Variants in PFKFB3 observed in about 807,000 individuals in gnomAD.
PFKFB3 encodes the protein 6-phosphofructo-2-kinase/fructose-2,6-biphosphatase 3, also known as 6-phosphofructo-2-kinase/fructose-2,6-bisphosphatase 3.
PFKFB3 carries 33 observed loss-of-function variants against 68.0 expected under a neutral mutation model. The observed-to-expected ratio is 0.49, with a 90% CI of 0.37 to 0.65. PFKFB3 has a LOEUF of 0.65. Ranked by LOEUF, PFKFB3 falls within the 30% of genes least tolerant of loss-of-function variation. The probability of loss-of-function intolerance (pLI) is 0.00; values close to 1 mark genes in which losing one functional copy is unlikely to be tolerated. For missense variants in PFKFB3, 586 were observed against 712.2 expected, an observed-to-expected ratio of 0.82 and a Z score of 2.02; for synonymous variants, 315 against 288.2, an observed-to-expected ratio of 1.09 and a Z score of -0.94.
Position 6,220,823 on chromosome 10 carries a change from C to T in PFKFB3, c.789C>T (p.Gly263=), listed in dbSNP as rs2131980291. 1 of 1,613,482 alleles carries T rather than the reference C, an allele frequency of 6.2e-7. No individual in the cohort carries two copies. The highest frequency in any genetic ancestry group is 2.2e-5 in the East Asian group (1 of 44,872). ...GCGAGAACGAGCACAACCTCCAGGG[C>T]CGCATCGGGGGCGACTCAGGCCTGT... ...RHGENEHNLQ[G]RIGGDSGLSS... The change falls in exon 8 of 15, where the codon GGC becomes GGT. Residue 263 remains glycine (G), a synonymous_variant. Transcript: ENST00000379775. The surrounding 1 kb of genome is among the most constrained non-coding windows in gnomAD (Gnocchi z 4.1).
chr10:6,186,169 A>C (rs898523025), intron 1 of PFKFB3, among the ~76,000 whole-genome samples: 1 of 152,198 alleles, frequency 6.6e-6, no homozygotes, highest in Non-Finnish European at 1.5e-5. Context: ...TAATATTCTA[A>C]TTAGAAAGTT....
intron 1 of PFKFB3, among the ~76,000 whole-genome samples, chr10:6,171,569 T>C (rs1842313629): frequency 6.6e-6 from 1 of 152,090 alleles, no homozygotes. Flanking sequence ...CTAATTTTAT[T>C]TTTTGTAGAG....
At chr10:6,311,229 C>A in the PFKFB3 span, among the ~76,000 whole-genome samples, 1 of 152,142 alleles carries the variant, frequency 6.6e-6, no homozygotes, top group South Asian at 2.1e-4. Context: ...AGGAAAATGA[C>A]ATTATCAATA....
rs1845560774 is a variant in PFKFB3 at position 6,229,110 on chromosome 10, A to C, written c.1515+2745A>C. 1.9e-6 allele frequency: 1 copy of C among 528,432 alleles called. No individual in the cohort carries two copies. Among genetic ancestry groups the C allele is most frequent in the South Asian group, 1.4e-5 (1 of 71,230 alleles). The allele number at this position is 528,432 out of a possible 1,614,324, so 32.7% of individuals were successfully genotyped here. The stretch of plus-strand genomic sequence containing the variant: ...AGTTACCTTAACTACTTTATGCAGA[A>C]ACTGGAAAGGTGTGATGAGGAATGC... On this transcript the variant is annotated intron_variant, in intron 14 of 14. Coordinates refer to ENST00000379775, the MANE Select transcript of PFKFB3 (RefSeq NM_004566.4). The surrounding 1 kb of genome is among the most constrained non-coding windows in gnomAD (Gnocchi z 4.3).
the PFKFB3 span, among the ~76,000 whole-genome samples, chr10:6,292,278 CTTTTTTTTTTTTTTTTTTTT>C: frequency 1.8e-5 from 1 of 54,280 alleles, no homozygotes; most frequent in Non-Finnish European, 3.1e-5. Flanking sequence ...TTTTTTTTTT[CTTTTTTTTTTTTTTTTTTTT>C]TTTTGAGACA....
intron 1 of PFKFB3, among the ~76,000 whole-genome samples, chr10:6,190,778 C>T (rs1843001678): frequency 6.6e-6 from 1 of 152,144 alleles, no homozygotes; most frequent in Non-Finnish European, 1.5e-5. Flanking sequence ...TTCTGTGCCT[C>T]ATGTCTCTAT....
intron 1 of PFKFB3, among the ~76,000 whole-genome samples, chr10:6,212,477 G>T (rs1203039156): frequency 1.3e-5 from 2 of 152,132 alleles, no homozygotes; most frequent in Non-Finnish European, 2.9e-5. Context: ...CCGGCCCCTG[G>T]CTGAGGCTTC....
chr10:6,215,082 G>A lies in PFKFB3; in HGVS notation c.203-139G>A, dbSNP rs931951274. ...TGAGGGTAGCGTAGGACTGGGCGCC[G>A]GCATTGCTTCCACACCATCTCATTC... On this transcript the variant is annotated intron_variant, in intron 2 of 14. Coordinates refer to ENST00000379775, the MANE Select transcript of PFKFB3 (RefSeq NM_004566.4). The surrounding 1 kb of genome is among the most constrained non-coding windows in gnomAD (Gnocchi z 4.3). 54 of 680,816 alleles carry A rather than the reference G, an allele frequency of 7.9e-5. No individual in the cohort carries two copies. The highest frequency in any genetic ancestry group is 7.5e-4 in the African/African-American group (42 of 56,102). The allele number at this position is 680,816 out of a possible 1,614,324, so 42.2% of individuals were successfully genotyped here.
the PFKFB3 span, among the ~76,000 whole-genome samples, chr10:6,264,711 T>G: frequency 6.6e-6 from 1 of 152,226 alleles, no homozygotes; most frequent in Non-Finnish European, 1.5e-5. Context: ...ACTTGTTTAT[T>G]CTGTTTCCCT....
chr10:6,281,283 A>G, the PFKFB3 span, among the ~76,000 whole-genome samples: 2 of 150,966 alleles, frequency 1.3e-5, no homozygotes, highest in Non-Finnish European at 3.0e-5. Flanking sequence ...TAATTGGGAA[A>G]GTTCCTGAAA....
At chr10:6,296,829 T>G in the PFKFB3 span, among the ~76,000 whole-genome samples, 2,053 of 152,308 alleles carry the variant, frequency 0.013, 23 homozygotes, top group Middle Eastern at 0.044. Context: ...GCATCCTGTT[T>G]TATCAGCAAG....
At chr10:6,326,622 G>A in the PFKFB3 span, 6 of 447,074 alleles carry the variant, frequency 1.3e-5, no homozygotes, top group African/African-American at 2.0e-5. Context: ...GTGTGAAAAC[G>A]TTTCTGGCTC....
chr10:6,323,151 G>A, the PFKFB3 span, among the ~76,000 whole-genome samples: 2 of 152,162 alleles, frequency 1.3e-5, no homozygotes, highest in Non-Finnish European at 2.9e-5. Flanking sequence ...AGAACCCATT[G>A]GATATATCTG....
intron 1 of PFKFB3, among the ~76,000 whole-genome samples, chr10:6,149,310 G>A (rs1471357636): frequency 1.3e-5 from 2 of 151,966 alleles, no homozygotes; most frequent in Non-Finnish European, 2.9e-5. Context: ...CAATAAGGCC[G>A]GGTGCGGTGG....
chr10:6,200,694 C>CG (rs1843319254), upstream of PFKFB3, among the ~76,000 whole-genome samples: 1 of 36,412 alleles, frequency 2.7e-5, no homozygotes, highest in Non-Finnish European at 5.9e-5. Flanking sequence ...GGTGGTGGGG[C>CG]GGGGATTGAG....
chr10:6,177,113 C>G (rs1842495472), intron 1 of PFKFB3, among the ~76,000 whole-genome samples: 1 of 152,328 alleles, frequency 6.6e-6, no homozygotes, highest in African/African-American at 2.4e-5. Context: ...TGTCCTGGTT[C>G]AGCACTGAAT....
intron 1 of PFKFB3, among the ~76,000 whole-genome samples, chr10:6,188,416 A>C (rs1842930867): frequency 1.3e-5 from 2 of 151,074 alleles, no homozygotes; most frequent in Non-Finnish European, 2.9e-5. Context: ...GCTGCCTCTC[A>C]TGGCCTTTGT....
chr10:6,297,895 G>T, the PFKFB3 span, among the ~76,000 whole-genome samples: 1 of 152,106 alleles, frequency 6.6e-6, no homozygotes, highest in Non-Finnish European at 1.5e-5. Flanking sequence ...CTAAAGACCC[G>T]TCTCTCTTCT....
intron 1 of PFKFB3, among the ~76,000 whole-genome samples, chr10:6,183,615 ATATATAT>A (rs1480827250): frequency 3.5e-5 from 3 of 86,776 alleles, no homozygotes; most frequent in African/African-American, 1.1e-4. Context: ...AAAAAAAAAA[ATATATAT>A]ATATATATAT....
Sources: gnomAD v4.1 joint callset for allele counts (sites outside exome capture counted in the v4.1 genomes callset) on GRCh38, gnomAD v4.1.1 for gene constraint, Gnocchi (gnomAD v3.1) non-coding constraint, MANE v1.5 for transcripts, NCBI Gene and HGNC (gene_info 2026-07-23, HGNC 2026-07-21) for gene names.